GAPVD1: variants seen among roughly 807,000 people sequenced by gnomAD.
GAPVD1 encodes GTPase activating protein and VPS9 domains 1, also known as GTPase-activating protein and VPS9 domain-containing protein 1.
A neutral mutation model predicts 155.5 loss-of-function variants in GAPVD1; 35 were observed. The observed-to-expected ratio is 0.23, with a 90% CI of 0.17 to 0.30. GAPVD1 has a LOEUF of 0.30. Among genes scored for constraint, GAPVD1 ranks in the 10% least tolerant of loss-of-function variants. The probability of loss-of-function intolerance (pLI) is 1.00; values close to 1 mark genes in which losing one functional copy is unlikely to be tolerated. For missense variants in GAPVD1, 1,429 were observed against 1,775.7 expected (o/e 0.80, Z 3.51); for synonymous variants, 636 against 619.7 (o/e 1.03, Z -0.39).
chr9:125,285,487 T>G (rs1454605519), intron 2 of GAPVD1, among the ~76,000 whole-genome samples: 1 of 142,438 alleles, frequency 7.0e-6, no homozygotes, highest in Non-Finnish European at 1.5e-5. Flanking sequence ...AGGTAGAGTC[T>G]TCCTCTGTTG....
chr9:125,279,787 GT>G (rs1836451213), intron 2 of GAPVD1, among the ~76,000 whole-genome samples: 1 of 148,560 alleles, frequency 6.7e-6, no homozygotes, highest in South Asian at 2.1e-4. Flanking sequence ...TTGATACGGA[GT>G]CTTGGTGCGA....
Position 125,302,022 on chromosome 9 carries a change from A to C in GAPVD1, c.225A>C (p.Lys75Asn), listed in dbSNP as rs111441962. The C allele has an allele frequency of 6.2e-7, 1 of 1,602,652 alleles. No homozygotes were observed. The highest frequency in any genetic ancestry group is 8.5e-7 in the Non-Finnish European group (1 of 1,175,640). The change falls in exon 5 of 28, where the codon AAA (lysine) becomes AAC (asparagine). Residue 75 changes from lysine to asparagine, a missense_variant. This residue lies in a region of GAPVD1 where 628 missense variants were observed against 733.4 expected (regional missense o/e 0.86). Transcript: ENST00000297933. ...CTGCTGAATGTTGCCAACATGCCAA[A>C]ATTTTGGAAGATACACAATTTGTTG... ...ASPAECCQHA[K>N]ILEDTQFVDG... is the part of the protein sequence containing the mutation.
intron 2 of GAPVD1, among the ~76,000 whole-genome samples, chr9:125,292,998 GGA>G (rs1838852401): frequency 6.6e-6 from 1 of 152,162 alleles, no homozygotes; most frequent in African/African-American, 2.4e-5. Flanking sequence ...AGGGTAGGTT[GGA>G]GAGAGAAGAA....
intron 6 of GAPVD1, among the ~76,000 whole-genome samples, chr9:125,306,793 C>T (rs1393743246): frequency 6.6e-6 from 1 of 152,186 alleles, no homozygotes; most frequent in East Asian, 1.9e-4. Flanking sequence ...ACACCCAGCT[C>T]CAAGATCTTA....
intron 6 of GAPVD1, among the ~76,000 whole-genome samples, chr9:125,305,559 C>T (rs1039605916): frequency 5.9e-5 from 9 of 151,982 alleles, no homozygotes; most frequent in East Asian, 1.9e-4. Context: ...TTAGTAGAGA[C>T]GGGGTTTCAC....
At chr9:125,362,355 G>GGT (rs1202074610) in intron 27 of GAPVD1, among the ~76,000 whole-genome samples, 1 of 152,074 alleles carries the variant, frequency 6.6e-6, no homozygotes, top group African/African-American at 2.4e-5. Flanking sequence ...AAATCAGTGA[G>GGT]GTTAAGGACT....
At chr9:125,347,142 A>G (rs1202342954) in intron 20 of GAPVD1, 2 of 615,272 alleles carry the variant, frequency 3.3e-6, no homozygotes, top group African/African-American at 3.7e-5. Context: ...CTGAATGTTC[A>G]AATGCCTTAG....
intron 10 of GAPVD1, 48 bp from the exon 11 acceptor site, chr9:125,323,750 C>A: frequency 6.2e-7 from 1 of 1,601,474 alleles, no homozygotes; most frequent in Non-Finnish European, 8.5e-7. Flanking sequence ...TGTGTGGTGG[C>A]TCATGACTGT....
At chr9:125,333,683 T>C (rs1846441112) in intron 15 of GAPVD1, among the ~76,000 whole-genome samples, 1 of 151,902 alleles carries the variant, frequency 6.6e-6, no homozygotes, top group South Asian at 2.1e-4. Flanking sequence ...AGACAGGGTT[T>C]CTCCATGTTG....
intron 9 of GAPVD1, among the ~76,000 whole-genome samples, chr9:125,316,093 A>C (rs948563529): frequency 6.6e-6 from 1 of 152,186 alleles, no homozygotes; most frequent in Non-Finnish European, 1.5e-5. Context: ...GAAAATTTAG[A>C]GAGATCATTA....
chr9:125,358,051 G>A (rs1027167928), intron 25 of GAPVD1, among the ~76,000 whole-genome samples: 6 of 151,484 alleles, frequency 4.0e-5, no homozygotes, highest in Non-Finnish European at 8.8e-5. Context: ...TAGTAATAGC[G>A]ATTATTTTTG....
At chr9:125,307,332 C>A in intron 6 of GAPVD1, 81 bp from the exon 7 acceptor site, 5 of 930,570 alleles carry the variant, frequency 5.4e-6, no homozygotes, top group South Asian at 2.4e-5. Context: ...TAAATTTTTT[C>A]ATGCTTGTCC....
At chr9:125,344,384 A>G (rs2132187294) in intron 19 of GAPVD1, among the ~76,000 whole-genome samples, 1 of 152,278 alleles carries the variant, frequency 6.6e-6, no homozygotes, top group Non-Finnish European at 1.5e-5. Context: ...TATCATTTTT[A>G]TTAGCTATAA....
intron 2 of GAPVD1, among the ~76,000 whole-genome samples, chr9:125,273,882 A>C (rs901739448): frequency 1.3e-5 from 2 of 152,020 alleles, no homozygotes; most frequent in Admixed American, 6.6e-5. Flanking sequence ...CTGTCATGGC[A>C]CAGAGGTTTC....
intron 3 of GAPVD1, among the ~76,000 whole-genome samples, chr9:125,296,456 GCA>G (rs1839894583): frequency 1.3e-5 from 2 of 148,704 alleles, no homozygotes; most frequent in Middle Eastern, 3.6e-3. Flanking sequence ...CTGGGTTCAA[GCA>G]ATGCTCTTGC....
At chr9:125,323,997 A>G (rs116983971) in intron 11 of GAPVD1, 74 bp downstream of exon 11, 23,541 of 1,369,570 alleles carry the variant, frequency 0.017, 280 homozygotes, top group Middle Eastern at 0.047. Flanking sequence ...GTGTGTTTTC[A>G]TTAAGTTGGC....
At chr9:125,324,998 G>A (rs1225040025) in intron 11 of GAPVD1, among the ~76,000 whole-genome samples, 2 of 152,162 alleles carry the variant, frequency 1.3e-5, no homozygotes, top group Non-Finnish European at 2.9e-5. Flanking sequence ...GCTGAGGCAG[G>A]TAGATCATTT....
At chr9:125,275,836 GT>G (rs1835694251) in intron 2 of GAPVD1, among the ~76,000 whole-genome samples, 1 of 152,136 alleles carries the variant, frequency 6.6e-6, no homozygotes, top group Non-Finnish European at 1.5e-5. Flanking sequence ...AAAAGTCAAG[GT>G]TTTTGAATTG....
intron 6 of GAPVD1, among the ~76,000 whole-genome samples, chr9:125,306,317 C>G (rs1319394011): frequency 6.6e-6 from 1 of 152,192 alleles, no homozygotes; most frequent in Admixed American, 6.5e-5. Context: ...CGTGAGCCAC[C>G]ACGCCTGGCC....
Sources: allele counts gnomAD v4.1 joint callset (sites outside exome capture counted in the v4.1 genomes callset), GRCh38; gene constraint gnomAD v4.1.1; regional missense constraint gnomAD v4.1.1; transcripts MANE v1.5; gene names NCBI Gene and HGNC (gene_info 2026-07-23, HGNC 2026-07-21).